Variants in LSS observed in about 807,000 individuals in gnomAD.
LSS encodes the protein lanosterol synthase, also known as 2,3-epoxysqualene-lanosterol cyclase.
Under a neutral mutation model 110.3 loss-of-function variants are expected in LSS, and 90 were observed. The observed-to-expected ratio is 0.82, with a 90% CI of 0.69 to 0.97. LSS has a LOEUF of 0.97. Ranked by LOEUF, LSS falls within the 50% of genes least tolerant of loss-of-function variation. LSS has a pLI of 0.00. For synonymous variants in LSS, 433 were observed against 400.0 expected, an observed-to-expected ratio of 1.08 and a Z score of -0.98; for missense variants, 927 against 990.0, an observed-to-expected ratio of 0.94 and a Z score of 0.85.
chr21:46,200,918 G>C (rs2058464433), intron 17 of LSS, among the ~76,000 whole-genome samples: 1 of 152,236 alleles, frequency 6.6e-6, no homozygotes, highest in Non-Finnish European at 1.5e-5. Context: ...AAATACTCAG[G>C]CAGTTAGGGG....
Position 46,191,864 on chromosome 21 carries a change from G to C in LSS, c.2067+17C>G. 6.2e-7 allele frequency: 1 copy of C among 1,609,110 alleles called. No individual in the cohort carries two copies. ...GTCAGTGCTGGGCCTTGTGCGCTCA[G>C]GTCCCTGGCGGCATACCTGCGGCCA... On this transcript the variant is annotated intron_variant, in intron 21 of 21. Coordinates refer to ENST00000397728, the MANE Select transcript of LSS (RefSeq NM_002340.6).
chr21:46,210,771 A>T (rs1227041473), intron 11 of LSS, 27 bp from the exon 12 acceptor site: 4 of 1,609,834 alleles, frequency 2.5e-6, no homozygotes, highest in Non-Finnish European at 3.4e-6. Context: ...GTGTTACAGC[A>T]GCAGATGCAG....
At chr21:46,227,472 A>C in intron 3 of LSS, 80 bp downstream of exon 3, 2 of 1,532,272 alleles carry the variant, frequency 1.3e-6, no homozygotes, top group Non-Finnish European at 1.8e-6. Context: ...GCTTCATCAA[A>C]ACCCTAGACC....
rs1041415649 is a variant in LSS, at chr21:46,209,078, A to C, written c.1266+476T>G. On this transcript the variant is annotated intron_variant, in intron 13 of 21. Transcript: ENST00000397728. The surrounding 1 kb of genome is among the most constrained non-coding windows in gnomAD (Gnocchi z 4.4). ...TGGGGTGCAGGCACGTGTGAGAGAC[A>C]CTGAGGTCAAACTATGGGCTCGGGC... 6.6e-6 allele frequency among the ~76,000 whole-genome samples: 1 copy of C among 152,140 alleles called. No individual in the cohort carries two copies. Among genetic ancestry groups the C allele is most frequent in the East Asian group, 1.9e-4 (1 of 5,186 alleles).
chr21:46,224,533 G>A (rs914361016), intron 3 of LSS: 1 of 152,244 alleles, frequency 6.6e-6, no homozygotes, highest in African/African-American at 2.4e-5. Context: ...ACAGCGCACA[G>A]GGTCACATAA....
intron 4 of LSS, 155 bp downstream of exon 4, chr21:46,222,475 C>G (rs748562462): frequency 1.6e-6 from 1 of 629,928 alleles, no homozygotes; most frequent in East Asian, 2.8e-5. Context: ...GGCCTTCAGC[C>G]CACTCCCCGC....
chr21:46,217,801 C>T (rs1569033356), intron 6 of LSS, among the ~76,000 whole-genome samples: 1 of 152,210 alleles, frequency 6.6e-6, no homozygotes, highest in Non-Finnish European at 1.5e-5. Context: ...CCGTCTCAGT[C>T]CTTCCTCTGC....
At chr21:46,214,273 G>A (rs1459715617) in intron 9 of LSS, among the ~76,000 whole-genome samples, 1 of 152,234 alleles carries the variant, frequency 6.6e-6, no homozygotes, top group African/African-American at 2.4e-5. Flanking sequence ...GAATGTTCCA[G>A]AGGCCCCCAA....
intron 11 of LSS, among the ~76,000 whole-genome samples, chr21:46,211,236 C>T (rs1002529724): frequency 2.6e-5 from 4 of 152,174 alleles, no homozygotes; most frequent in African/African-American, 9.7e-5. Context: ...ACGCCATTCT[C>T]CTGCCTCAGC....
intron 17 of LSS, among the ~76,000 whole-genome samples, chr21:46,198,651 C>T (rs1013744172): frequency 6.6e-6 from 1 of 152,028 alleles, no homozygotes; most frequent in Non-Finnish European, 1.5e-5. Flanking sequence ...GCTACAGGAA[C>T]CAAGACAGTG....
chr21:46,214,654 C>T (rs1438970279), intron 9 of LSS, among the ~76,000 whole-genome samples: 4 of 152,150 alleles, frequency 2.6e-5, no homozygotes, highest in African/African-American at 4.8e-5. Flanking sequence ...CAGCACAGCC[C>T]GGGAATTGCA....
In LSS at chr21:46,195,764, G is replaced by A. The variant is rs1419750629; in HGVS notation, c.1737-8C>T. ...AAGCAAACTCCCCAGGAGCTGGAGG[G>A]AAACAGGGAGAGCCTCAGCCCTTCC... On this transcript the variant is annotated splice_polypyrimidine_tract_variant and splice_region_variant and intron_variant, in intron 18 of 21. Transcript: ENST00000397728. 4.3e-6 allele frequency: 7 copies of A among 1,611,790 alleles called. No individual in the cohort carries two copies. The South Asian group carries it at 7.7e-5, about 18-fold the overall frequency.
At chr21:46,196,383 A>G in intron 17 of LSS, 116 bp from the exon 18 acceptor site, 3 of 831,030 alleles carry the variant, frequency 3.6e-6, no homozygotes, top group Non-Finnish European at 6.1e-6. Context: ...AAAACCACAT[A>G]AAAATAAACA....
chr21:46,203,098 A>G (rs565089002), intron 17 of LSS, among the ~76,000 whole-genome samples: 32 of 152,362 alleles, frequency 2.1e-4, no homozygotes, highest in African/African-American at 7.7e-4. Context: ...AGAGATGAGC[A>G]GAGAAGAGAA....
At chr21:46,222,535 T>G in intron 4 of LSS, 95 bp downstream of exon 4, 1 of 1,112,924 alleles carries the variant, frequency 9.0e-7, no homozygotes, top group Non-Finnish European at 1.3e-6. Context: ...CAATCACTCC[T>G]AACCCCTGGC....
At chr21:46,191,740 T>A (rs529746049) in intron 21 of LSS, 141 bp downstream of exon 21, 2 of 695,032 alleles carry the variant, frequency 2.9e-6, no homozygotes, top group East Asian at 5.4e-5. Flanking sequence ...TGCCACCAAC[T>A]GTGGCATTCA....
At chr21:46,205,455 C>CTGGCACT (rs1399751282) in intron 17 of LSS, among the ~76,000 whole-genome samples, 4 of 152,224 alleles carry the variant, frequency 2.6e-5, no homozygotes, top group African/African-American at 9.6e-5. Context: ...ATGTCTAATG[C>CTGGCACT]TGGCACTGTT....
chr21:46,225,350 G>C (rs1379376951), intron 3 of LSS: 3 of 448,744 alleles, frequency 6.7e-6, no homozygotes, highest in Non-Finnish European at 1.3e-5. Context: ...GGTAACGCCA[G>C]CATCTGGGAA....
At position 46,188,762 on chromosome 21, in the gene LSS, T is replaced by TGC. The variant is rs2079764740; in HGVS notation, c.*2340_*2341dup. 2 of 471,338 alleles carry TGC rather than the reference T, an allele frequency of 4.2e-6. No homozygotes were observed. Among genetic ancestry groups the TGC allele is most frequent in the Non-Finnish European group, 8.8e-6 (2 of 227,112 alleles). 29.2% of individuals were successfully genotyped at this position (471,338 alleles called of 1,614,324 possible). ...GGCAGGGATACTGACACTGAAGTCC[T>TGC]GCCTGTGTAATAACACCGAAGAGGG... is the stretch of plus-strand genomic sequence containing the variant. On this transcript the variant is annotated 3_prime_UTR_variant, in exon 22 of 22. Transcript: ENST00000397728.
Sources: gnomAD v4.1 joint callset for allele counts (sites outside exome capture counted in the v4.1 genomes callset) on GRCh38, gnomAD v4.1.1 for gene constraint, Gnocchi (gnomAD v3.1) non-coding constraint, MANE v1.5 for transcripts, NCBI Gene and HGNC (gene_info 2026-07-23, HGNC 2026-07-21) for gene names.